Variants in PIK3C2G observed in about 807,000 individuals in gnomAD.
The protein encoded by PIK3C2G is phosphatidylinositol 3-kinase C2 domain-containing subunit gamma.
PIK3C2G carries 168 observed loss-of-function variants against 181.1 expected under a neutral mutation model. That is an observed-to-expected ratio of 0.93 (90% confidence interval 0.82 to 1.05). The LOEUF (loss-of-function observed/expected upper bound fraction) is 1.05. Ranked by LOEUF, PIK3C2G falls within the 50% of genes least tolerant of loss-of-function variation. The pLI, the probability that PIK3C2G is intolerant of heterozygous loss-of-function variation, is 0.00. For synonymous variants in PIK3C2G, 573 were observed against 592.2 expected (o/e 0.97, Z 0.47); for missense variants, 1,869 against 1,732.8 (o/e 1.08, Z -1.40).
At chr12:18,352,030 AT>A (rs1156988086) in intron 11 of PIK3C2G, among the ~76,000 whole-genome samples, 1 of 152,134 alleles carries the variant, frequency 6.6e-6, no homozygotes, top group Non-Finnish European at 1.5e-5. Flanking sequence ...CTCACAATAT[AT>A]CCCTTTGTTT....
At chr12:18,668,693 C>G in the PIK3C2G span, among the ~76,000 whole-genome samples, 1 of 152,078 alleles carries the variant, frequency 6.6e-6, no homozygotes, top group Non-Finnish European at 1.5e-5. Context: ...CACCTCCAGC[C>G]CATAAAGGAA....
intron 18 of PIK3C2G, among the ~76,000 whole-genome samples, chr12:18,484,122 T>C (rs1215684317): frequency 6.6e-6 from 1 of 152,120 alleles, no homozygotes; most frequent in Non-Finnish European, 1.5e-5. Flanking sequence ...GCAAATCACA[T>C]GACCAATCTG....
chr12:18,420,165 C>A (rs1304475257), intron 16 of PIK3C2G, among the ~76,000 whole-genome samples: 1 of 151,944 alleles, frequency 6.6e-6, no homozygotes, highest in African/African-American at 2.4e-5. Flanking sequence ...AATATCTAAT[C>A]AATGTCAAAG....
intron 26 of PIK3C2G, among the ~76,000 whole-genome samples, chr12:18,559,805 TATATATATATATATATAGAGAGAG>T (rs1256513125): frequency 5.4e-3 from 248 of 45,782 alleles, no homozygotes; most frequent in Middle Eastern, 0.013. Flanking sequence ...TATATATATA[TATATATATATATATATAGAGAGAG>T]AGAGAGAGAG....
At chr12:18,288,742 T>C (rs527495700) in intron 3 of PIK3C2G, among the ~76,000 whole-genome samples, 44 of 152,314 alleles carry the variant, frequency 2.9e-4, no homozygotes, top group African/African-American at 1.0e-3. Flanking sequence ...CTTTAAGATA[T>C]CACTCTTCTG....
At chr12:18,436,920 C>T (rs1490791217) in intron 18 of PIK3C2G, among the ~76,000 whole-genome samples, 1 of 151,936 alleles carries the variant, frequency 6.6e-6, no homozygotes, top group Non-Finnish European at 1.5e-5. Flanking sequence ...TGTAAGGCTG[C>T]ATCTAGTTAT....
chr12:18,510,594 T>C (rs1191214492), intron 24 of PIK3C2G, among the ~76,000 whole-genome samples: 1 of 152,214 alleles, frequency 6.6e-6, no homozygotes, highest in Non-Finnish European at 1.5e-5. Context: ...GATGCTAGCC[T>C]TGCATTAAGT....
the PIK3C2G span, chr12:18,694,004 C>T: frequency 4.2e-5 from 63 of 1,483,342 alleles, no homozygotes; most frequent in African/African-American, 3.6e-4. Context: ...CTTAAGAGAA[C>T]GTAGAATGAA....
At chr12:18,420,794 T>G in intron 16 of PIK3C2G, 147 bp from the exon 17 acceptor site, 1 of 515,202 alleles carries the variant, frequency 1.9e-6, no homozygotes, top group Non-Finnish European at 3.5e-6. Flanking sequence ...TAAGAATTAT[T>G]TGGTGCTAAT....
At chr12:18,672,168 T>A in the PIK3C2G span, among the ~76,000 whole-genome samples, 7 of 152,314 alleles carry the variant, frequency 4.6e-5, no homozygotes, top group African/African-American at 1.7e-4. Context: ...TATGGCTTTA[T>A]AGTTTCTGAC....
chr12:18,445,597 TCTA>T (rs1361288001), intron 18 of PIK3C2G, among the ~76,000 whole-genome samples: 2 of 152,216 alleles, frequency 1.3e-5, no homozygotes, highest in Admixed American at 6.5e-5. Context: ...TAATTACAGA[TCTA>T]CTAAGATATG....
chr12:18,620,194 C>T (rs77788418), intron 31 of PIK3C2G, among the ~76,000 whole-genome samples: 3,463 of 152,112 alleles, frequency 0.023, 146 homozygotes, highest in African/African-American at 0.079. Context: ...TATAGCCTTA[C>T]TAATTATCTG....
chr12:18,438,728 G>C (rs1946576543), intron 18 of PIK3C2G, among the ~76,000 whole-genome samples: 1 of 151,734 alleles, frequency 6.6e-6, no homozygotes, highest in African/African-American at 2.4e-5. Flanking sequence ...ATGTAATAGA[G>C]GGAGAACAAG....
chr12:18,656,127 T>C, the PIK3C2G span, among the ~76,000 whole-genome samples: 1 of 152,128 alleles, frequency 6.6e-6, no homozygotes, highest in East Asian at 1.9e-4. Context: ...AGTTCCATTC[T>C]TCCACAAAAA....
chr12:18,605,279 A>C (rs1947958316), intron 30 of PIK3C2G, among the ~76,000 whole-genome samples: 1 of 152,158 alleles, frequency 6.6e-6, no homozygotes, highest in South Asian at 2.1e-4. Context: ...AATCTAGAAA[A>C]CCTAGAAGAC....
intron 14 of PIK3C2G, among the ~76,000 whole-genome samples, chr12:18,387,543 T>C (rs1255672007): frequency 2.6e-5 from 4 of 152,120 alleles, no homozygotes; most frequent in Admixed American, 1.3e-4. Flanking sequence ...CACCCTCCAC[T>C]GTCCACCCCT....
chr12:18,410,816 T>C (rs982642102), intron 16 of PIK3C2G, among the ~76,000 whole-genome samples: 3 of 152,190 alleles, frequency 2.0e-5, no homozygotes, highest in Non-Finnish European at 4.4e-5. Flanking sequence ...ACATAATATC[T>C]ACATGGTGCT....
downstream of PIK3C2G, among the ~76,000 whole-genome samples, chr12:18,650,293 T>TTCTCTCTC (rs140285960): frequency 9.1e-5 from 8 of 87,732 alleles, no homozygotes; most frequent in East Asian, 8.7e-4. Context: ...TAACCCAAAT[T>TTCTCTCTC]TCTCTCTCTC....
In PIK3C2G at chr12:18,512,001, A is replaced by G. The variant is rs1406070433; in HGVS notation, c.3323+6540A>G. Among the ~76,000 whole-genome samples the G allele has an allele frequency of 2.0e-5, 3 of 151,982 alleles. No homozygotes were observed. In the East Asian group the frequency reaches 5.8e-4, roughly 29 times the overall value. On this transcript the variant is annotated intron_variant, in intron 24 of 32. Transcript: ENST00000538779. Reference sequence around the variant, plus strand: ...TTGAGCTATTTTTTGTGGTTGATGTAAGCTAAGTTCCTAATTTTATTCTTC... The same window carrying G: ...TTGAGCTATTTTTTGTGGTTGATGTGAGCTAAGTTCCTAATTTTATTCTTC...
Sources: allele counts gnomAD v4.1 joint callset (sites outside exome capture counted in the v4.1 genomes callset), GRCh38; gene constraint gnomAD v4.1.1; transcripts MANE v1.5; gene names NCBI Gene and HGNC (gene_info 2026-07-23, HGNC 2026-07-21).